UPK1A: variants seen among roughly 807,000 people sequenced by gnomAD.
UPK1A encodes the protein uroplakin-1a.
In UPK1A, 31 loss-of-function variants were observed where a neutral mutation model predicts 32.3. The observed-to-expected ratio is 0.96, with a 90% CI of 0.72 to 1.30. The LOEUF (loss-of-function observed/expected upper bound fraction) is 1.30. Among genes scored for constraint, UPK1A ranks in the 50% most tolerant of loss-of-function variants. The pLI is 0.00. For synonymous variants in UPK1A, 135 were observed against 137.1 expected (o/e 0.98, Z 0.11); for missense variants, 340 against 357.4 (o/e 0.95, Z 0.39).
chr19:35,673,340 C>A, intron 4 of UPK1A, 34 bp downstream of exon 4: 1 of 1,613,350 alleles, frequency 6.2e-7, no homozygotes, highest in South Asian at 1.1e-5. Flanking sequence ...GGGGCCTGAC[C>A]TGCATGGGAG....
chr19:35,674,322 C>T (rs964261727), intron 5 of UPK1A, among the ~76,000 whole-genome samples: 3 of 146,172 alleles, frequency 2.1e-5, no homozygotes, highest in African/African-American at 7.6e-5. Flanking sequence ...TCTCGGCTCA[C>T]TGCAAGCTCC....
chr19:35,674,810 G>A (rs1968156862), intron 5 of UPK1A, among the ~76,000 whole-genome samples: 1 of 152,076 alleles, frequency 6.6e-6, no homozygotes, highest in African/African-American at 2.4e-5. Flanking sequence ...GGGAGGCAAA[G>A]GCGGGCAGAT....
At chr19:35,666,998 C>G in intron 2 of UPK1A, 102 bp downstream of exon 2, 1 of 1,201,824 alleles carries the variant, frequency 8.3e-7, no homozygotes, top group South Asian at 1.3e-5. Flanking sequence ...GTCTCTCGGG[C>G]AGACTCAGTG....
At chr19:35,678,204 AC>A in exon 8 of UPK1A, 1 of 660,660 alleles carries the variant, frequency 1.5e-6, no homozygotes, top group Non-Finnish European at 2.4e-6. Context: ...GTGCCCTGAA[AC>A]CCCAGGGCTT....
intron 4 of UPK1A, 61 bp from the exon 5 acceptor site, chr19:35,673,377 G>T: frequency 6.2e-7 from 1 of 1,610,740 alleles, no homozygotes; most frequent in East Asian, 2.2e-5. Flanking sequence ...GCGGCGGGGC[G>T]GAGGTCGTCC....
chr19:35,673,583 C>T lies in UPK1A; in HGVS notation c.468+38C>T, dbSNP rs746663422. On this transcript the variant is annotated intron_variant, in intron 5 of 7. Coordinates refer to ENST00000617999, the Ensembl canonical transcript of UPK1A. ...GACCGGGTGCTGGGAGGGCCCTGGG[C>T]TCCGTCCACAGAGGCCGATAGAGCT... 6 of 1,590,886 alleles carry T rather than the reference C, an allele frequency of 3.8e-6. No homozygotes were observed. The Admixed American group carries it at 8.5e-5, about 23-fold the overall frequency.
In UPK1A at chr19:35,673,315, G is replaced by A; in HGVS notation, c.360+9G>A. 6.2e-7 allele frequency: 1 copy of A among 1,613,928 alleles called. No individual in the cohort carries two copies. Among genetic ancestry groups the A allele is most frequent in the South Asian group, 1.1e-5 (1 of 91,082 alleles). On this transcript the variant is annotated intron_variant, in intron 4 of 7. Transcript: ENST00000617999. ...ACACCCACCGTGACTACGTGAGCCC[G>A]GCGAGGCCTGGGGAGGGGCCTGACC... is the stretch of plus-strand genomic sequence containing the variant.
chr19:35,673,597 G>A, intron 5 of UPK1A, 52 bp downstream of exon 5: 2 of 1,515,408 alleles, frequency 1.3e-6, no homozygotes, highest in Non-Finnish European at 1.8e-6. Flanking sequence ...GTCCACAGAG[G>A]CCGATAGAGC....
chr19:35,668,665 A>G lies in UPK1A; in HGVS notation c.285+11A>G, dbSNP rs1318798873. 1 of 1,607,854 alleles carries G rather than the reference A, an allele frequency of 6.2e-7. No homozygotes were observed. ...TCCATGGTCCTCACGGTGAGACTCC[A>G]GGGGTTGGGGGATGGGGACACTGAA... is the stretch of plus-strand genomic sequence containing the variant. On this transcript the variant is annotated intron_variant, in intron 3 of 7. Coordinates refer to ENST00000617999, the Ensembl canonical transcript of UPK1A.
exon 6 of UPK1A, chr19:35,675,903 G>A: frequency 6.2e-7 from 1 of 1,613,908 alleles, no homozygotes; most frequent in Non-Finnish European, 8.5e-7. Flanking sequence ...CTTCCGGGCG[G>A]CCACTCCGGA....
chr19:35,672,674 C>A lies in UPK1A; in HGVS notation c.286-558C>A, dbSNP rs561257650. On this transcript the variant is annotated intron_variant, in intron 3 of 7. Transcript: ENST00000617999. ...CCTCCAACTACTGGGCTCAAACGAT[C>A]CTCCAACCTCAGCCTCCCAAATAGC... is the stretch of plus-strand genomic sequence containing the variant. Among the ~76,000 whole-genome samples the A allele has an allele frequency of 5.9e-5, 9 of 152,330 alleles. No homozygotes were observed. The South Asian group carries it at 1.9e-3, about 32-fold the overall frequency.
At chr19:35,675,788 C>A (rs1260645682) in intron 5 of UPK1A, 52 bp from the exon 6 acceptor site, 9 of 1,551,270 alleles carry the variant, frequency 5.8e-6, no homozygotes, top group Non-Finnish European at 7.9e-6. Context: ...CTCAGGCAAG[C>A]AACTGTCCTC....
At chr19:35,674,159 C>T (rs1173382431) in intron 5 of UPK1A, among the ~76,000 whole-genome samples, 1 of 151,830 alleles carries the variant, frequency 6.6e-6, no homozygotes, top group Non-Finnish European at 1.5e-5. Context: ...GATTCTCCCA[C>T]CTCCGCCTCT....
intron 3 of UPK1A, among the ~76,000 whole-genome samples, chr19:35,669,670 CA>C (rs907911780): frequency 4.0e-5 from 6 of 151,482 alleles, no homozygotes; most frequent in African/African-American, 1.2e-4. Context: ...GACTCCATCT[CA>C]AAAAAAAGGA....
At position 35,668,207 on chromosome 19, in the gene UPK1A, C is replaced by T. The variant is rs543784613; in HGVS notation, c.85-247C>T. On this transcript the variant is annotated intron_variant, in intron 2 of 7. Transcript: ENST00000617999. ...CCAGTCCACTGCTCCAGCCTTTCCA[C>T]GTGGCATCCCCTTTTATCCCCGAAG... 420 of 568,632 alleles carry T rather than the reference C, an allele frequency of 7.4e-4. 5 individuals are homozygous for T. The highest frequency in any genetic ancestry group is 6.5e-3 in the South Asian group (330 of 50,850). The allele number at this position is 568,632 out of a possible 1,614,324, so 35.2% of individuals were successfully genotyped here. A position where few individuals can be genotyped will look rare whatever the true frequency, so the allele number is the denominator to read the frequency against.
chr19:35,673,515 G>A (rs747849068), exon 5 of UPK1A: 1 of 1,607,290 alleles, frequency 6.2e-7, no homozygotes, highest in South Asian at 1.1e-5. Context: ...GCCAGGAGCT[G>A]ACCCGCCTCT....
In UPK1A at chr19:35,668,635, G is replaced by A. The variant is rs572136219; in HGVS notation, c.266G>A (p.Arg89His). The change falls in exon 3 of 8, where the codon CGC becomes CAC. Residue 89 changes from arginine (R) to histidine (H), a missense_variant. Transcript: ENST00000617999. Reference sequence around the variant, plus strand: ...GGTGTGGGTGCCGCACTCTGCCGCCGCCGGTCCATGGTCCTCACGGTGAGA... The same window carrying A: ...GGTGTGGGTGCCGCACTCTGCCGCCACCGGTCCATGGTCCTCACGGTGAGA... 6.8e-6 allele frequency: 11 copies of A among 1,613,322 alleles called. No homozygotes were observed. Among genetic ancestry groups the A allele is most frequent in the African/African-American group, 4.0e-5 (3 of 74,988 alleles).
chr19:35,671,269 C>T (rs1968093171), intron 3 of UPK1A, among the ~76,000 whole-genome samples: 1 of 149,546 alleles, frequency 6.7e-6, no homozygotes, highest in African/African-American at 2.5e-5. Context: ...CGCCTGTAGT[C>T]CCAGCTACTC....
At chr19:35,671,127 G>A (rs955514467) in intron 3 of UPK1A, among the ~76,000 whole-genome samples, 2 of 151,908 alleles carry the variant, frequency 1.3e-5, no homozygotes, top group Admixed American at 1.3e-4. Context: ...GGTGGCTCAC[G>A]CCTGTAATCC....
Sources: allele counts gnomAD v4.1 joint callset (sites outside exome capture counted in the v4.1 genomes callset), GRCh38; gene constraint gnomAD v4.1.1; transcripts MANE v1.5; gene names NCBI Gene and HGNC (gene_info 2026-07-23, HGNC 2026-07-21).